TXNL1: variants seen among roughly 807,000 people sequenced by gnomAD.
The protein encoded by TXNL1 is thioredoxin-like protein 1.
TXNL1 carries 14 observed loss-of-function variants against 35.5 expected under a neutral mutation model. The observed-to-expected ratio is 0.39, with a 90% CI of 0.26 to 0.62. The LOEUF is 0.62. TXNL1 is among the 20% of genes least tolerant of loss of function. TXNL1 has a pLI of 0.47. For synonymous variants in TXNL1, 110 were observed against 115.5 expected, an observed-to-expected ratio of 0.95 and a Z score of 0.31; for missense variants, 263 against 349.7, an observed-to-expected ratio of 0.75 and a Z score of 1.98.
intron 1 of TXNL1, among the ~76,000 whole-genome samples, chr18:56,630,352 T>C (rs1409579997): frequency 1.3e-5 from 2 of 152,150 alleles, no homozygotes; most frequent in African/African-American, 4.8e-5. Flanking sequence ...CAAAGCAGAC[T>C]GAAGTGGAGC....
intron 1 of TXNL1, 106 bp downstream of exon 1, chr18:56,638,237 C>A: frequency 1.6e-6 from 2 of 1,215,142 alleles, no homozygotes; most frequent in African/African-American, 1.6e-5. Flanking sequence ...CGGCGACTGC[C>A]GGACACTCCG....
intron 2 of TXNL1, 47 bp from the exon 3 acceptor site, chr18:56,624,508 C>A: frequency 6.4e-7 from 1 of 1,552,726 alleles, no homozygotes; most frequent in Non-Finnish European, 8.8e-7. Flanking sequence ...TCTTAAACCA[C>A]TTTGAATATT....
chr18:56,636,178 T>A (rs979820872), intron 1 of TXNL1, among the ~76,000 whole-genome samples: 1 of 152,062 alleles, frequency 6.6e-6, no homozygotes, highest in African/African-American at 2.4e-5. Context: ...AATCTATGTA[T>A]CATTTTAGTA....
At chr18:56,637,461 C>A (rs1223224908) in intron 1 of TXNL1, among the ~76,000 whole-genome samples, 1 of 152,194 alleles carries the variant, frequency 6.6e-6, no homozygotes, top group East Asian at 1.9e-4. Context: ...CTGTGAAACA[C>A]ACACACACGC....
At chr18:56,631,187 C>A (rs531618789) in intron 1 of TXNL1, among the ~76,000 whole-genome samples, 1 of 152,218 alleles carries the variant, frequency 6.6e-6, no homozygotes, top group East Asian at 1.9e-4. Context: ...GCCAATTGAT[C>A]ATTTTACATA....
In TXNL1 at chr18:56,601,820, C is replaced by A. The variant is rs1051029378; in HGVS notation, c.*1207G>T. 6.6e-6 allele frequency: 1 copy of A among 152,116 alleles called. No homozygotes were observed. Among genetic ancestry groups the A allele is most frequent in the African/African-American group, 2.4e-5 (1 of 41,416 alleles). 9.4% of individuals were successfully genotyped at this position (152,116 alleles called of 1,614,324 possible). ...ATACTCAGAAATTTTAAAATTAAAACTACCAATACTTTTTAGATTACAATT... is the reference window on the plus strand; with the variant it reads ...ATACTCAGAAATTTTAAAATTAAAAATACCAATACTTTTTAGATTACAATT... On this transcript the variant is annotated 3_prime_UTR_variant, in exon 8 of 8. Coordinates refer to ENST00000217515, the MANE Select transcript of TXNL1 (RefSeq NM_004786.3).
chr18:56,598,868 G>A lies in TXNL1; in HGVS notation c.*4159C>T, dbSNP rs2023774933. ...GCTCAAGATGACACAGCTAACAAGT[G>A]GAAGAGCAGGGATTCAAACTTCAGA... On this transcript the variant is annotated 3_prime_UTR_variant, in exon 8 of 8. Transcript: ENST00000217515. The A allele has an allele frequency of 6.6e-6, 1 of 152,188 alleles. No homozygotes were observed. The highest frequency in any genetic ancestry group is 6.5e-5 in the Admixed American group (1 of 15,284). The allele number at this position is 152,188 out of a possible 1,614,324, so 9.4% of individuals were successfully genotyped here.
intron 1 of TXNL1, among the ~76,000 whole-genome samples, chr18:56,633,446 C>CAAAA (rs57445949): frequency 2.7e-5 from 2 of 74,376 alleles, no homozygotes; most frequent in Non-Finnish European, 5.2e-5. Flanking sequence ...GACTCTGTCT[C>CAAAA]AAAAAAAAAA....
At chr18:56,633,923 G>A (rs1394930056) in intron 1 of TXNL1, among the ~76,000 whole-genome samples, 1 of 135,712 alleles carries the variant, frequency 7.4e-6, no homozygotes, top group Non-Finnish European at 1.5e-5. Context: ...GGCAGAGGTT[G>A]CAGTGAGCTG....
At position 56,626,415 on chromosome 18, in the gene TXNL1, C is replaced by T; in HGVS notation, c.141G>A (p.Met47Ile). Residue 47 changes from methionine (M) to isoleucine (I), a missense_variant, in exon 2 of 8, where the codon ATG (methionine) becomes ATA (isoleucine). By Grantham distance (10) the Met-to-Ile change is conservative. Transcript: ENST00000217515. ...AAACAGCCTGTGGATATTTATTACT[C>T]ATAGAACTGAATGCTGGGGCAATCC... ...CLRIAPAFSS[M>I]SNKYPQAVFL... 2 of 1,613,742 alleles carry T rather than the reference C, an allele frequency of 1.2e-6. No individual in the cohort carries two copies.
intron 6 of TXNL1, 129 bp from the exon 7 acceptor site, chr18:56,611,226 G>A: frequency 1.7e-6 from 1 of 605,300 alleles, no homozygotes; most frequent in Non-Finnish European, 2.7e-6. Flanking sequence ...TAGGCTGGGT[G>A]CAGTGGCTCA....
chr18:56,614,573 T>C lies in TXNL1; in HGVS notation c.586A>G (p.Ile196Val). ...ATAGATCGGGGTAGGTTGATAAAAA[T>C]TTTTACATATTTAGGGCCCTGACCT... ...DNGQGPKYVK[I>V]FINLPRSMDF... Residue 196 changes from isoleucine to valine, a missense_variant, in exon 6 of 8, where the codon ATT becomes GTT. Transcript: ENST00000217515. 1 of 1,613,246 alleles carries C rather than the reference T, an allele frequency of 6.2e-7. No homozygotes were observed. Among genetic ancestry groups the C allele is most frequent in the Non-Finnish European group, 8.5e-7 (1 of 1,179,780 alleles).
chr18:56,631,792 T>C (rs1392639938), intron 1 of TXNL1, among the ~76,000 whole-genome samples: 3 of 151,976 alleles, frequency 2.0e-5, no homozygotes, highest in Admixed American at 1.3e-4. Context: ...TAGTAACGCA[T>C]GCCTGTAATC....
chr18:56,634,324 A>C (rs1426838429), intron 1 of TXNL1, among the ~76,000 whole-genome samples: 1 of 152,224 alleles, frequency 6.6e-6, no homozygotes, highest in Non-Finnish European at 1.5e-5. Flanking sequence ...CAAGAACAGC[A>C]CTTTATAATT....
chr18:56,615,130 A>G (rs2024062890), intron 5 of TXNL1, among the ~76,000 whole-genome samples: 1 of 152,214 alleles, frequency 6.6e-6, no homozygotes, highest in Non-Finnish European at 1.5e-5. Context: ...GGATTAGATT[A>G]GGATGTGATA....
intron 4 of TXNL1, among the ~76,000 whole-genome samples, chr18:56,617,767 G>A (rs896015962): frequency 2.6e-5 from 4 of 152,172 alleles, no homozygotes; most frequent in Non-Finnish European, 5.9e-5. Context: ...TCTGCAGTGG[G>A]TCCCACCCAA....
At chr18:56,603,159 C>A in intron 7 of TXNL1, 103 bp from the exon 8 acceptor site, 1 of 1,074,186 alleles carries the variant, frequency 9.3e-7, no homozygotes, top group East Asian at 2.6e-5. Context: ...TAATTTTTAT[C>A]CTTGGATCTT....
intron 7 of TXNL1, among the ~76,000 whole-genome samples, chr18:56,606,854 A>G (rs772507294): frequency 1.2e-4 from 19 of 152,342 alleles, no homozygotes; most frequent in Admixed American, 3.3e-4. Flanking sequence ...TCAACTGCCT[A>G]TGGTGCAGTA....
At chr18:56,637,336 C>A (rs546027798) in intron 1 of TXNL1, among the ~76,000 whole-genome samples, 69 of 152,232 alleles carry the variant, frequency 4.5e-4, no homozygotes, top group African/African-American at 1.4e-3. Context: ...AACAGTGATA[C>A]CAGCAGTAGA....
Sources: gnomAD v4.1 joint callset for allele counts (sites outside exome capture counted in the v4.1 genomes callset) on GRCh38, gnomAD v4.1.1 for gene constraint, MANE v1.5 for transcripts, NCBI Gene and HGNC (gene_info 2026-07-23, HGNC 2026-07-21) for gene names.